The following FRMD5 variants were observed in gnomAD, a reference collection of about 807,000 sequenced individuals.
FRMD5 encodes the protein FERM domain-containing protein 5.
In FRMD5, 20 loss-of-function variants were observed where a neutral mutation model predicts 69.0. That is an observed-to-expected ratio of 0.29 (90% CI 0.20 to 0.42). The LOEUF is 0.42. FRMD5 is among the 10% of genes least tolerant of loss of function. FRMD5 has a pLI of 1.00. For synonymous variants in FRMD5, 271 were observed against 260.1 expected, an observed-to-expected ratio of 1.04 and a Z score of -0.40; for missense variants, 595 against 708.6, an observed-to-expected ratio of 0.84 and a Z score of 1.82.
At chr15:43,890,335 G>C (rs1416984875) in intron 8 of FRMD5, among the ~76,000 whole-genome samples, 1 of 152,202 alleles carries the variant, frequency 6.6e-6, no homozygotes, top group Non-Finnish European at 1.5e-5. Context: ...GTGCATGAGA[G>C]AAGCCGTGGA....
At chr15:43,949,636 T>C (rs1294000225) in intron 1 of FRMD5, among the ~76,000 whole-genome samples, 2 of 152,218 alleles carry the variant, frequency 1.3e-5, no homozygotes, top group Admixed American at 6.5e-5. Context: ...ACTAGAGTTG[T>C]TGCATCATTC....
intron 1 of FRMD5, among the ~76,000 whole-genome samples, chr15:43,971,304 GAGA>G (rs1265552463): frequency 1.3e-5 from 2 of 151,998 alleles, no homozygotes; most frequent in Non-Finnish European, 2.9e-5. Flanking sequence ...TCAAGGTGAA[GAGA>G]AGATCATTTT....
intron 1 of FRMD5, among the ~76,000 whole-genome samples, chr15:44,032,478 G>A (rs1891725060): frequency 6.6e-6 from 1 of 152,018 alleles, no homozygotes; most frequent in Non-Finnish European, 1.5e-5. Context: ...GTAATATCCA[G>A]CATCCATAAG....
chr15:44,153,316 A>C (rs2077475760), intron 1 of FRMD5, among the ~76,000 whole-genome samples: 1 of 152,240 alleles, frequency 6.6e-6, no homozygotes, highest in African/African-American at 2.4e-5. Context: ...AGGCAACCTA[A>C]AAGTCCATCA....
At chr15:43,891,714 GC>G (rs2088796882) in intron 8 of FRMD5, among the ~76,000 whole-genome samples, 1 of 152,152 alleles carries the variant, frequency 6.6e-6, no homozygotes, top group South Asian at 2.1e-4. Context: ...ACTGGCTCCA[GC>G]CCCAGGCCTC....
chr15:43,875,581 G>A lies in FRMD5; in HGVS notation c.1136-1119C>T, dbSNP rs192767687. ...CAACTTCTGCCTCCCGGGTTCCAGC[G>A]ATTCTTGTGTCTCAGCCTTCTGAGT... is the stretch of plus-strand genomic sequence containing the variant. On this transcript the variant is annotated intron_variant, in intron 13 of 13. Coordinates refer to ENST00000417257, the MANE Select transcript of FRMD5 (RefSeq NM_032892.5). 2.1e-3 allele frequency among the ~76,000 whole-genome samples: 321 copies of A among 151,112 alleles called. 1 individual carries two copies. Among genetic ancestry groups the A allele is most frequent in the Non-Finnish European group, 3.5e-3 (239 of 67,764 alleles).
At chr15:43,886,914 A>G (rs7181039) in intron 10 of FRMD5, among the ~76,000 whole-genome samples, 23,618 of 152,188 alleles carry the variant, frequency 0.16, 2,386 homozygotes, top group African/African-American at 0.28. Flanking sequence ...GAGGCAATGG[A>G]AAACTGAAAA....
chr15:44,037,135 T>G (rs1175710438), intron 1 of FRMD5, among the ~76,000 whole-genome samples: 1 of 152,024 alleles, frequency 6.6e-6, no homozygotes, highest in Non-Finnish European at 1.5e-5. Context: ...ATCCCTCCCC[T>G]AGCTCCCCCA....
chr15:43,992,112 A>C (rs1385654704), intron 1 of FRMD5, among the ~76,000 whole-genome samples: 1 of 152,232 alleles, frequency 6.6e-6, no homozygotes, highest in Non-Finnish European at 1.5e-5. Flanking sequence ...TTGGCTTTAG[A>C]AATAGAGACT....
At chr15:44,022,883 C>T (rs1295979811) in intron 1 of FRMD5, among the ~76,000 whole-genome samples, 2 of 152,100 alleles carry the variant, frequency 1.3e-5, no homozygotes, top group Non-Finnish European at 2.9e-5. Context: ...AAGTAACTAT[C>T]AGATTAATGT....
chr15:44,195,306 G>A, upstream of FRMD5: 1 of 506,042 alleles, frequency 2.0e-6, no homozygotes, highest in Non-Finnish European at 3.5e-6. Flanking sequence ...TGCCCAGCTC[G>A]CGGGGCGGGG....
intron 1 of FRMD5, among the ~76,000 whole-genome samples, chr15:44,081,945 T>A (rs2140449718): frequency 6.6e-6 from 1 of 152,050 alleles, no homozygotes; most frequent in East Asian, 1.9e-4. Flanking sequence ...AACACCAATA[T>A]CCTAAGGCCT....
intron 1 of FRMD5, among the ~76,000 whole-genome samples, chr15:44,135,151 C>A (rs8029897): frequency 0.018 from 2,682 of 152,162 alleles, 82 homozygotes; most frequent in African/African-American, 0.061. Context: ...CCTCAGAGTA[C>A]TGAAAAAATG....
In FRMD5 at chr15:43,884,956, T is replaced by C. The variant is rs534308591; in HGVS notation, c.960-161A>G. 122 of 606,348 alleles carry C rather than the reference T, an allele frequency of 2.0e-4. 1 individual carries two copies. The highest frequency in any genetic ancestry group is 1.8e-3 in the South Asian group (89 of 48,638). The allele number at this position is 606,348 out of a possible 1,614,324, so 37.6% of individuals were successfully genotyped here. On this transcript the variant is annotated intron_variant, in intron 11 of 13. Transcript: ENST00000417257. ...ATGGAGAAAGGCTTGCTTGGTGGGGTAGACTTCTAAACTGTCATGACAGCC... is the reference window on the plus strand; with the variant it reads ...ATGGAGAAAGGCTTGCTTGGTGGGGCAGACTTCTAAACTGTCATGACAGCC...
intron 5 of FRMD5, among the ~76,000 whole-genome samples, chr15:43,907,277 C>T (rs1948699315): frequency 6.6e-6 from 1 of 152,200 alleles, no homozygotes; most frequent in South Asian, 2.1e-4. Flanking sequence ...TGTACTTTTT[C>T]ACTACAAACC....
In FRMD5 at chr15:44,147,035, TTGATA is replaced by T. The variant is rs1378072723; in HGVS notation, c.102+47913_102+47917del. On this transcript the variant is annotated intron_variant, in intron 1 of 13. Coordinates refer to ENST00000417257, the MANE Select transcript of FRMD5 (RefSeq NM_032892.5). ...ATTTTTGCTTTTGTTGCAATTGCTT[TTGATA>T]TTTTTGTCATGAAATCTTTGCCTGA... Among the ~76,000 whole-genome samples the T allele has an allele frequency of 2.0e-5, 3 of 152,334 alleles. No homozygotes were observed. The East Asian group carries it at 5.8e-4, about 29-fold the overall frequency.
At chr15:43,920,769 A>G (rs921957329) in intron 2 of FRMD5, among the ~76,000 whole-genome samples, 1 of 152,204 alleles carries the variant, frequency 6.6e-6, no homozygotes, top group Non-Finnish European at 1.5e-5. Flanking sequence ...AGTGTTCAAT[A>G]GGTAGCTGCT....
chr15:44,163,162 A>G (rs1194202635), intron 1 of FRMD5, among the ~76,000 whole-genome samples: 1 of 152,058 alleles, frequency 6.6e-6, no homozygotes, highest in Non-Finnish European at 1.5e-5. Flanking sequence ...CGACAGAGCG[A>G]GACTCCGTCT....
chr15:43,999,471 T>G (rs2140165382), intron 1 of FRMD5, among the ~76,000 whole-genome samples: 1 of 152,224 alleles, frequency 6.6e-6, no homozygotes, highest in Middle Eastern at 3.4e-3. Flanking sequence ...CTACACCCAT[T>G]TAAAAACTTT....
Sources: gnomAD v4.1 joint callset for allele counts (sites outside exome capture counted in the v4.1 genomes callset) on GRCh38, gnomAD v4.1.1 for gene constraint, MANE v1.5 for transcripts, NCBI Gene and HGNC (gene_info 2026-07-23, HGNC 2026-07-21) for gene names.